Variants in CACNA1A observed in about 807,000 individuals in gnomAD.
CACNA1A encodes the protein voltage-dependent P/Q-type calcium channel subunit alpha-1A.
In CACNA1A, 57 loss-of-function variants were observed where a neutral mutation model predicts 262.4. The observed-to-expected ratio is 0.22, with a 90% CI of 0.18 to 0.27. The LOEUF (loss-of-function observed/expected upper bound fraction) is 0.27. Ranked by LOEUF, CACNA1A falls within the 10% of genes least tolerant of loss-of-function variation. The pLI is 1.00. For missense variants in CACNA1A, 2,526 were observed against 3,562.8 expected, an observed-to-expected ratio of 0.71 and a Z score of 7.41; for synonymous variants, 1,431 against 1,419.3, an observed-to-expected ratio of 1.01 and a Z score of -0.18.
intron 20 of CACNA1A, among the ~76,000 whole-genome samples, chr19:13,285,715 G>A (rs1260788137): frequency 6.6e-6 from 1 of 152,034 alleles, no homozygotes; most frequent in Non-Finnish European, 1.5e-5. Flanking sequence ...GACTCAGGGG[G>A]AGGAGCCATC....
At chr19:13,498,099 G>A (rs1981906903) in intron 1 of CACNA1A, among the ~76,000 whole-genome samples, 1 of 151,880 alleles carries the variant, frequency 6.6e-6, no homozygotes, top group Non-Finnish European at 1.5e-5. Context: ...GGTCAGCATA[G>A]CCCTCCCACC....
At position 13,365,471 on chromosome 19, in the gene CACNA1A, T is replaced by TG. The variant is rs2059191701; in HGVS notation, c.632-3dup. On this transcript the variant is annotated splice_polypyrimidine_tract_variant and splice_region_variant and intron_variant, in intron 4 of 46. Transcript: ENST00000360228. ...TCGACTTCAGGACGACTTGTAAACCTGGGGGGACACAGAGAGAGGCCCCAT... is the reference window on the plus strand; with the variant it reads ...TCGACTTCAGGACGACTTGTAAACCTGGGGGGGACACAGAGAGAGGCCCCAT... 1 of 1,613,124 alleles carries TG rather than the reference T, an allele frequency of 6.2e-7. No individual in the cohort carries two copies. Among genetic ancestry groups the TG allele is most frequent in the Non-Finnish European group, 8.5e-7 (1 of 1,179,406 alleles).
At chr19:13,482,282 G>A (rs2145087226) in intron 1 of CACNA1A, among the ~76,000 whole-genome samples, 1 of 151,938 alleles carries the variant, frequency 6.6e-6, no homozygotes, top group East Asian at 1.9e-4. Flanking sequence ...TCAGGAGATC[G>A]AGACCATCCT....
intron 17 of CACNA1A, among the ~76,000 whole-genome samples, chr19:13,302,726 G>A (rs953000077): frequency 2.0e-5 from 3 of 152,208 alleles, no homozygotes; most frequent in South Asian, 2.1e-4. Flanking sequence ...GCTCCACAGT[G>A]GCCAGGCTTG....
chr19:13,253,596 C>T (rs1404394134), intron 29 of CACNA1A, among the ~76,000 whole-genome samples: 1 of 151,840 alleles, frequency 6.6e-6, no homozygotes, highest in South Asian at 2.1e-4. Context: ...CAGGTGCCCA[C>T]CACCATGCCC....
chr19:13,492,444 T>C (rs188540905), intron 1 of CACNA1A, among the ~76,000 whole-genome samples: 34 of 152,222 alleles, frequency 2.2e-4, no homozygotes, highest in African/African-American at 7.0e-4. Flanking sequence ...AAAGGGGACC[T>C]TGGAATTTGA....
At chr19:13,366,633 G>C (rs1468172628) in intron 4 of CACNA1A, among the ~76,000 whole-genome samples, 1 of 152,134 alleles carries the variant, frequency 6.6e-6, no homozygotes, top group Non-Finnish European at 1.5e-5. Context: ...TTGACATGCT[G>C]TTCCATTTGA....
chr19:13,382,913 T>C (rs147371800), intron 3 of CACNA1A, among the ~76,000 whole-genome samples: 232 of 152,230 alleles, frequency 1.5e-3, no homozygotes, highest in African/African-American at 5.0e-3. Context: ...AAAGACCAGA[T>C]AAGTTAATCC....
chr19:13,442,998 C>T (rs998873852), intron 3 of CACNA1A, among the ~76,000 whole-genome samples: 4 of 152,236 alleles, frequency 2.6e-5, no homozygotes, highest in Non-Finnish European at 5.9e-5. Context: ...GACAGATGCT[C>T]TGGCTTGAAT....
intron 5 of CACNA1A, 96 bp from the exon 6 acceptor site, chr19:13,359,895 A>G (rs1013976358): frequency 2.5e-6 from 2 of 798,646 alleles, no homozygotes; most frequent in African/African-American, 1.7e-5. Context: ...GTTGGAACGA[A>G]TAACTTTTGG....
intron 10 of CACNA1A, among the ~76,000 whole-genome samples, chr19:13,324,262 A>G: frequency 6.6e-6 from 1 of 152,172 alleles, no homozygotes; most frequent in East Asian, 1.9e-4. Flanking sequence ...GAAGGAGAAG[A>G]TGTTGATCAA....
At chr19:13,501,193 A>G (rs919436554) in intron 1 of CACNA1A, among the ~76,000 whole-genome samples, 13 of 91,040 alleles carry the variant, frequency 1.4e-4, no homozygotes, top group African/African-American at 4.2e-4. Context: ...ACATCAATAA[A>G]TCTATTTTTT....
At chr19:13,267,527 A>G (rs2056892328) in intron 24 of CACNA1A, among the ~76,000 whole-genome samples, 1 of 152,180 alleles carries the variant, frequency 6.6e-6, no homozygotes, top group Non-Finnish European at 1.5e-5. Flanking sequence ...GAGCCGGAGA[A>G]ACCCCTCTTC....
chr19:13,212,356 C>T lies in CACNA1A; in HGVS notation c.6189+28G>A, dbSNP rs375925559. The T allele has an allele frequency of 1.9e-6, 3 of 1,612,936 alleles. No homozygotes were observed. In the East Asian group the frequency reaches 6.7e-5, roughly 36 times the overall value. On this transcript the variant is annotated intron_variant, in intron 42 of 46. Coordinates refer to ENST00000360228, the MANE Select transcript of CACNA1A (RefSeq NM_001127222.2). The surrounding 1 kb of genome is among the most constrained non-coding windows in gnomAD (Gnocchi z 5.6). Reference sequence around the variant, plus strand: ...ACCTGAACCACCCGGGCCCTGGGAGCCATTGGGGAGTTGGGGGACAGAGGC... The same window carrying T: ...ACCTGAACCACCCGGGCCCTGGGAGTCATTGGGGAGTTGGGGGACAGAGGC...
Position 13,324,462 on chromosome 19 carries a change from C to T in CACNA1A, c.1345+5782G>A, listed in dbSNP as rs551639642. Among the ~76,000 whole-genome samples, 8 of 152,236 alleles carry T rather than the reference C, an allele frequency of 5.3e-5. No individual in the cohort carries two copies. The South Asian group carries it at 1.2e-3, about 24-fold the overall frequency. On this transcript the variant is annotated intron_variant, in intron 10 of 46. Coordinates refer to ENST00000360228, the MANE Select transcript of CACNA1A (RefSeq NM_001127222.2). Reference sequence around the variant, plus strand: ...TAATGCCTTCCCCACACACAAAAAACGGTGAGGTGGTGAGGCGATGGATGT... The same window carrying T: ...TAATGCCTTCCCCACACACAAAAAATGGTGAGGTGGTGAGGCGATGGATGT...
chr19:13,395,208 A>G (rs2059787814), intron 3 of CACNA1A, among the ~76,000 whole-genome samples: 1 of 146,856 alleles, frequency 6.8e-6, no homozygotes, highest in South Asian at 2.2e-4. Context: ...CAGGAGGCAG[A>G]GGCTGCAGTG....
Position 13,208,874 on chromosome 19 carries a change from GGGGGATGGTGGTGGTGGT to G in CACNA1A, c.6644_6661del (p.His2215_Pro2220del). 3 of 1,534,918 alleles carry G rather than the reference GGGGGATGGTGGTGGTGGT, an allele frequency of 2.0e-6. No individual in the cohort carries two copies. Among genetic ancestry groups the G allele is most frequent in the Non-Finnish European group, 2.6e-6 (3 of 1,146,172 alleles). On this transcript the variant is annotated inframe_deletion, in exon 46 of 47. Transcript: ENST00000360228. ...GGCATAGCGGTCCTTGTCGGGGGGC[GGGGGATGGTGGTGGTGGT>G]GGTGGTGGTGGTGGTGCTGTCGATG...
At chr19:13,497,533 T>A (rs1249720836) in intron 1 of CACNA1A, among the ~76,000 whole-genome samples, 3 of 1,906 alleles carry the variant, frequency 1.6e-3, no homozygotes, top group African/African-American at 2.2e-3. Context: ...TATATATATA[T>A]ATATATATAT....
At chr19:13,224,258 A>C (rs559799794) in intron 38 of CACNA1A, among the ~76,000 whole-genome samples, 1 of 151,862 alleles carries the variant, frequency 6.6e-6, no homozygotes, top group South Asian at 2.1e-4. Flanking sequence ...CGGGAGGCGG[A>C]GGTAGCAATG....
Sources: allele counts gnomAD v4.1 joint callset (sites outside exome capture counted in the v4.1 genomes callset), GRCh38; gene constraint gnomAD v4.1.1; non-coding constraint Gnocchi (gnomAD v3.1); transcripts MANE v1.5; gene names NCBI Gene and HGNC (gene_info 2026-07-23, HGNC 2026-07-21).